Variants in RAB5B observed in about 807,000 individuals in gnomAD.
RAB5B encodes RAB5B, member RAS oncogene family.
In RAB5B, 11 loss-of-function variants were observed where a neutral mutation model predicts 28.6. That is an observed-to-expected ratio of 0.38 (90% confidence interval 0.24 to 0.64). RAB5B has a LOEUF of 0.64. Among genes scored for constraint, RAB5B ranks in the 30% least tolerant of loss-of-function variants. The probability of loss-of-function intolerance (pLI) is 0.53; values close to 1 mark genes in which losing one functional copy is unlikely to be tolerated. For synonymous variants in RAB5B, 93 were observed against 97.9 expected (o/e 0.95, Z 0.29); for missense variants, 169 against 265.6 (o/e 0.64, Z 2.53).
chr12:55,985,307 T>C (rs1565787567), intron 1 of RAB5B, among the ~76,000 whole-genome samples: 1 of 152,192 alleles, frequency 6.6e-6, no homozygotes, highest in Non-Finnish European at 1.5e-5. Context: ...CCAGTCCCAC[T>C]AATTGTGGTG....
chr12:55,981,098 C>G, intron 1 of RAB5B: 1 of 1,439,536 alleles, frequency 6.9e-7, no homozygotes, highest in Non-Finnish European at 9.7e-7. Context: ...CGGAATCGCT[C>G]TGTTGTCCAG....
intron 2 of RAB5B, 147 bp from the exon 3 acceptor site, chr12:55,989,800 A>T: frequency 1.1e-6 from 1 of 911,828 alleles, no homozygotes; most frequent in Admixed American, 1.9e-5. Flanking sequence ...CTTACATGTA[A>T]GGAGAACTCA....
intron 1 of RAB5B, among the ~76,000 whole-genome samples, chr12:55,975,306 T>C (rs936456994): frequency 1.3e-5 from 2 of 152,186 alleles, no homozygotes; most frequent in African/African-American, 2.4e-5. Flanking sequence ...TGCGGTGATA[T>C]CACTGAGGAA....
At chr12:55,987,166 GT>G (rs34223637) in intron 2 of RAB5B, 43 bp downstream of exon 2, 188,600 of 1,100,534 alleles carry the variant, frequency 0.17, no homozygotes, top group East Asian at 0.21. Context: ...TTTGGTAAGG[GT>G]TTTTTTTTTT....
At chr12:55,990,842 C>G (rs1293698553) in intron 4 of RAB5B, 38 bp downstream of exon 4, 8 of 1,606,902 alleles carry the variant, frequency 5.0e-6, no homozygotes, top group Non-Finnish European at 6.8e-6. Flanking sequence ...AACACTTCCT[C>G]TGTTCCTGGG....
chr12:55,979,847 A>C (rs1889750060), intron 1 of RAB5B, among the ~76,000 whole-genome samples: 1 of 152,222 alleles, frequency 6.6e-6, no homozygotes, highest in Non-Finnish European at 1.5e-5. Context: ...TTCCTTAAGA[A>C]GTATAGTGGT....
intron 1 of RAB5B, chr12:55,979,222 G>T (rs1236853140): frequency 2.6e-5 from 4 of 152,162 alleles, no homozygotes; most frequent in African/African-American, 9.7e-5. Flanking sequence ...GACAAGTAGG[G>T]ACGGGCATTC....
intron 5 of RAB5B, 143 bp downstream of exon 5, chr12:55,991,596 C>T (rs1042455871): frequency 3.8e-5 from 24 of 625,826 alleles, no homozygotes; most frequent in Non-Finnish European, 6.8e-5. Context: ...GTTATGACCT[C>T]CATCCTTGGC....
At chr12:55,974,428 G>C (rs1045561834) in intron 1 of RAB5B, among the ~76,000 whole-genome samples, 2 of 152,228 alleles carry the variant, frequency 1.3e-5, no homozygotes, top group African/African-American at 4.8e-5. Context: ...GCAGGGGCAG[G>C]CCTCATTAAG....
Position 55,995,995 on chromosome 12 carries a change from A to ATTTTTT in RAB5B, c.*3784_*3785insTTTTTT, listed in dbSNP as rs1293760482. Reference sequence around the variant, plus strand: ...TCCATATATATATACATATATATATATATATATATTTTTTTTTTAACAACT... The same window carrying ATTTTTT: ...TCCATATATATATACATATATATATATTTTTTTATATATATTTTTTTTTTAACAACT... On this transcript the variant is annotated 3_prime_UTR_variant, in exon 6 of 6. Transcript: ENST00000360299. 2.9e-5 allele frequency: 3 copies of ATTTTTT among 104,064 alleles called. No individual in the cohort carries two copies. Among genetic ancestry groups the ATTTTTT allele is most frequent in the African/African-American group, 1.0e-4 (2 of 19,346 alleles). 6.4% of individuals were successfully genotyped at this position (104,064 alleles called of 1,614,324 possible).
chr12:55,984,666 G>A (rs1161351109), intron 1 of RAB5B, among the ~76,000 whole-genome samples: 2 of 152,090 alleles, frequency 1.3e-5, no homozygotes, highest in Admixed American at 6.5e-5. Context: ...TTTTAGTGGA[G>A]ACGGGGTTTC....
chr12:55,980,338 C>G (rs758195425), intron 1 of RAB5B: 1 of 1,081,728 alleles, frequency 9.2e-7, no homozygotes, highest in Non-Finnish European at 1.4e-6. Context: ...CTCCAAGCCC[C>G]TCTGCTATTT....
At chr12:55,989,823 G>A in intron 2 of RAB5B, 124 bp from the exon 3 acceptor site, 1 of 1,181,108 alleles carries the variant, frequency 8.5e-7, no homozygotes, top group Admixed American at 1.7e-5. Flanking sequence ...ACCTTTTCCT[G>A]TAGCTGACTA....
Position 55,990,628 on chromosome 12 carries a change from T to G in RAB5B, c.316-54T>G, listed in dbSNP as rs530735157. 1.3e-5 allele frequency: 21 copies of G among 1,602,428 alleles called. No individual in the cohort carries two copies. The East Asian group carries it at 4.3e-4, about 33-fold the overall frequency. ...TTTTGAGACTCATTTTAAAAGGTGA[T>G]GGATATGGATTGGCAGTCATTCCAG... On this transcript the variant is annotated intron_variant, in intron 3 of 5. Transcript: ENST00000360299.
chr12:55,984,364 AT>A (rs1889896447), intron 1 of RAB5B, among the ~76,000 whole-genome samples: 1 of 151,778 alleles, frequency 6.6e-6, no homozygotes, highest in East Asian at 1.9e-4. Context: ...TAATTTTTGT[AT>A]TTTTAGTAGA....
chr12:55,980,402 G>A, intron 1 of RAB5B: 1 of 1,542,146 alleles, frequency 6.5e-7, no homozygotes, highest in Non-Finnish European at 9.0e-7. Flanking sequence ...CTTCCGGGGT[G>A]GGGAGGCAAG....
At chr12:55,981,088 C>T (rs531323946) in intron 1 of RAB5B, 41 of 1,490,938 alleles carry the variant, frequency 2.7e-5, no homozygotes, top group African/African-American at 2.1e-4. Flanking sequence ...ATTTTTGAGA[C>T]GGAATCGCTC....
intron 2 of RAB5B, 59 bp from the exon 3 acceptor site, chr12:55,989,878 AGGGGGGGAGG>A: frequency 6.5e-7 from 1 of 1,527,996 alleles, no homozygotes; most frequent in Non-Finnish European, 9.1e-7. Context: ...TACATTTTGA[AGGGGGGGAGG>A]GATGTTCCCA....
intron 2 of RAB5B, among the ~76,000 whole-genome samples, chr12:55,987,717 G>C (rs1467086533): frequency 2.0e-5 from 3 of 151,634 alleles, no homozygotes; most frequent in African/African-American, 7.3e-5. Context: ...TGTAATCCCA[G>C]CTACTCGGGA....
Sources: allele counts gnomAD v4.1 joint callset (sites outside exome capture counted in the v4.1 genomes callset), GRCh38; gene constraint gnomAD v4.1.1; transcripts MANE v1.5; gene names NCBI Gene and HGNC (gene_info 2026-07-23, HGNC 2026-07-21).